The following PEX14 variants were observed in gnomAD, a reference collection of about 807,000 sequenced individuals.
PEX14 encodes the protein peroxisomal biogenesis factor 14.
In PEX14, 15 loss-of-function variants were observed where a neutral mutation model predicts 49.5. The observed-to-expected ratio is 0.30, with a 90% CI of 0.20 to 0.47. PEX14 has a LOEUF of 0.47. Among genes scored for constraint, PEX14 ranks in the 20% least tolerant of loss-of-function variants. PEX14 has a pLI of 1.00. For synonymous variants in PEX14, 210 were observed against 212.7 expected, an observed-to-expected ratio of 0.99 and a Z score of 0.11; for missense variants, 398 against 494.8, an observed-to-expected ratio of 0.80 and a Z score of 1.86.
At chr1:10,513,456 G>A (rs969940979) in intron 2 of PEX14, among the ~76,000 whole-genome samples, 3 of 152,196 alleles carry the variant, frequency 2.0e-5, no homozygotes, top group Admixed American at 6.5e-5. Context: ...GGATTCTAAA[G>A]TTTCTGGCCG....
intron 4 of PEX14, among the ~76,000 whole-genome samples, chr1:10,604,922 T>A: frequency 6.6e-6 from 1 of 152,154 alleles, no homozygotes; most frequent in East Asian, 1.9e-4. Flanking sequence ...GAGCCTGTAG[T>A]GCCTACCCTG....
intron 4 of PEX14, among the ~76,000 whole-genome samples, chr1:10,605,001 A>G (rs1315954838): frequency 6.6e-6 from 1 of 151,958 alleles, no homozygotes; most frequent in Non-Finnish European, 1.5e-5. Context: ...CAGTGCCTCC[A>G]TTCTGACTTG....
At chr1:10,559,514 G>A (rs1008039769) in intron 3 of PEX14, among the ~76,000 whole-genome samples, 2 of 152,176 alleles carry the variant, frequency 1.3e-5, no homozygotes, top group African/African-American at 2.4e-5. Flanking sequence ...AGATCAGTGA[G>A]TAGACCCCTG....
At chr1:10,607,832 T>C (rs1324499828) in intron 4 of PEX14, among the ~76,000 whole-genome samples, 1 of 152,234 alleles carries the variant, frequency 6.6e-6, no homozygotes, top group Non-Finnish European at 1.5e-5. Flanking sequence ...CTTGCCTTTT[T>C]ATTTTCCTAA....
intron 2 of PEX14, among the ~76,000 whole-genome samples, chr1:10,528,977 T>G (rs1638568919): frequency 6.6e-6 from 1 of 152,198 alleles, no homozygotes; most frequent in Non-Finnish European, 1.5e-5. Flanking sequence ...TAAACAGGAC[T>G]TCAAACAATT....
intron 1 of PEX14, among the ~76,000 whole-genome samples, chr1:10,490,542 G>A (rs560995265): frequency 3.3e-5 from 5 of 152,120 alleles, no homozygotes; most frequent in Non-Finnish European, 7.4e-5. Context: ...CTCTGCCGCC[G>A]TAGTCTTTGC....
At chr1:10,622,355 A>G (rs773224566) in intron 5 of PEX14, among the ~76,000 whole-genome samples, 7 of 152,050 alleles carry the variant, frequency 4.6e-5, no homozygotes, top group Non-Finnish European at 8.8e-5. Flanking sequence ...TTTGACTCTT[A>G]CGTGAAGGAA....
At chr1:10,518,085 T>C (rs574511925) in intron 2 of PEX14, among the ~76,000 whole-genome samples, 2 of 152,288 alleles carry the variant, frequency 1.3e-5, no homozygotes, top group Non-Finnish European at 2.9e-5. Context: ...CTTTTCTCTC[T>C]CATTTCCTCA....
At chr1:10,576,378 C>A (rs1464064062) in intron 3 of PEX14, among the ~76,000 whole-genome samples, 1 of 152,024 alleles carries the variant, frequency 6.6e-6, no homozygotes, top group African/African-American at 2.4e-5. Context: ...TCACAAAAAC[C>A]CTACGAGGTA....
intron 3 of PEX14, among the ~76,000 whole-genome samples, chr1:10,566,806 C>T (rs914117314): frequency 8.6e-5 from 13 of 152,032 alleles, no homozygotes; most frequent in South Asian, 2.1e-4. Context: ...CGTGAGCCAC[C>T]GCTCCTGGCC....
chr1:10,591,368 A>G (rs897272380), intron 3 of PEX14, among the ~76,000 whole-genome samples: 2 of 151,888 alleles, frequency 1.3e-5, no homozygotes, highest in Non-Finnish European at 2.9e-5. Context: ...CTTGGCTTGT[A>G]TCTTCTTCTG....
chr1:10,573,537 C>T (rs1640040236), intron 3 of PEX14, among the ~76,000 whole-genome samples: 1 of 152,194 alleles, frequency 6.6e-6, no homozygotes, highest in Non-Finnish European at 1.5e-5. Flanking sequence ...GTAGCTTAAA[C>T]CACAGCAAGT....
chr1:10,534,181 G>A (rs1181576150), intron 2 of PEX14, among the ~76,000 whole-genome samples: 2 of 152,178 alleles, frequency 1.3e-5, no homozygotes, highest in East Asian at 1.9e-4. Flanking sequence ...GCAGACTACC[G>A]CATGATACGA....
intron 3 of PEX14, among the ~76,000 whole-genome samples, chr1:10,543,509 G>A (rs1469006336): frequency 6.6e-6 from 1 of 152,224 alleles, no homozygotes; most frequent in East Asian, 1.9e-4. Context: ...TCGTTAGTGA[G>A]GGGAGGCTCA....
intron 2 of PEX14, among the ~76,000 whole-genome samples, chr1:10,509,950 T>C (rs1641854592): frequency 6.6e-6 from 1 of 152,206 alleles, no homozygotes; most frequent in South Asian, 2.1e-4. Context: ...CTGCTTCCCT[T>C]TGTCTGTGAA....
chr1:10,501,705 C>T (rs1482654453), intron 2 of PEX14, among the ~76,000 whole-genome samples: 4 of 152,048 alleles, frequency 2.6e-5, no homozygotes, highest in Admixed American at 6.5e-5. Context: ...GCTTGAGTTC[C>T]GGAGTTTGAG....
chr1:10,609,026 G>A (rs561796450), intron 4 of PEX14, among the ~76,000 whole-genome samples: 5 of 152,248 alleles, frequency 3.3e-5, no homozygotes, highest in South Asian at 4.1e-4. Context: ...GTGATCTCTT[G>A]TACCTGGCCT....
intron 5 of PEX14, among the ~76,000 whole-genome samples, chr1:10,619,853 C>T (rs1276145928): frequency 2.6e-5 from 4 of 152,266 alleles, no homozygotes; most frequent in African/African-American, 9.6e-5. Context: ...CGCCTGTAAT[C>T]CCAGCACTTT....
At chr1:10,616,234 G>T (rs1381016617) in intron 4 of PEX14, among the ~76,000 whole-genome samples, 1 of 152,118 alleles carries the variant, frequency 6.6e-6, no homozygotes, top group Non-Finnish European at 1.5e-5. Flanking sequence ...ACTTGGATCC[G>T]CCTGGTGGGG....
Sources: gnomAD v4.1 joint callset for allele counts (sites outside exome capture counted in the v4.1 genomes callset) on GRCh38, gnomAD v4.1.1 for gene constraint, MANE v1.5 for transcripts, NCBI Gene and HGNC (gene_info 2026-07-23, HGNC 2026-07-21) for gene names.